Variants in HSP90B1 observed in about 807,000 individuals in gnomAD.
The protein encoded by HSP90B1 is endoplasmin.
Under a neutral mutation model 100.4 loss-of-function variants are expected in HSP90B1, and 27 were observed. The ratio of observed to expected loss-of-function variants is 0.27; its 90% CI spans 0.20 to 0.37. The LOEUF (loss-of-function observed/expected upper bound fraction) is 0.37, where lower values mean the gene tolerates loss of function less well. Among genes scored for constraint, HSP90B1 ranks in the 10% least tolerant of loss-of-function variants. HSP90B1 has a pLI of 1.00. For synonymous variants in HSP90B1, 304 were observed against 330.8 expected (o/e 0.92, Z 0.88); for missense variants, 678 against 960.5 (o/e 0.71, Z 3.89).
intron 5 of HSP90B1, 37 bp downstream of exon 5, chr12:103,934,324 A>G (rs1869845017): frequency 1.3e-6 from 2 of 1,493,368 alleles, no homozygotes; most frequent in Non-Finnish European, 9.3e-7. Context: ...ATTAATAGTC[A>G]TGGTGAGGAT....
chr12:103,946,940 A>G lies in HSP90B1; in HGVS notation c.2261A>G (p.Lys754Arg). 1 of 1,611,304 alleles carries G rather than the reference A, an allele frequency of 6.2e-7. No homozygotes were observed. Among genetic ancestry groups the G allele is most frequent in the Non-Finnish European group, 8.5e-7 (1 of 1,179,194 alleles). Reference sequence around the variant, plus strand: ...AGTTTGAACATTGACCCTGATGCAAAGGTTTGTATCCCCAACCTTCCCGCA... The same window carrying G: ...AGTTTGAACATTGACCCTGATGCAAGGGTTTGTATCCCCAACCTTCCCGCA... ...RLSLNIDPDA[K>R]VEEEPEEEPE... Residue 754 changes from lysine to arginine, a missense_variant and splice_region_variant, in exon 16 of 18, where the codon AAG (lysine) becomes AGG (arginine). Around this residue, in one of 8 missense-constraint regions of HSP90B1, gnomAD observed 65 missense variants for 65.1 expected, o/e 1.00. Transcript: ENST00000299767.
intron 5 of HSP90B1, 46 bp downstream of exon 5, chr12:103,934,333 A>G: frequency 7.0e-7 from 1 of 1,419,722 alleles, no homozygotes; most frequent in Admixed American, 1.8e-5. Context: ...CATGGTGAGG[A>G]TCTTGACTCT....
At chr12:103,939,694 T>C (rs557357447) in intron 8 of HSP90B1, 69 bp downstream of exon 8, 1 of 730,774 alleles carries the variant, frequency 1.4e-6, no homozygotes, top group African/African-American at 1.8e-5. Context: ...CTTAGTTTAA[T>C]TGTATATGGT....
chr12:103,938,440 A>C lies in HSP90B1; in HGVS notation c.956A>C (p.Lys319Thr), dbSNP rs953501914. The C allele has an allele frequency of 6.2e-7, 1 of 1,609,628 alleles. No homozygotes were observed. The highest frequency in any genetic ancestry group is 8.5e-7 in the Non-Finnish European group (1 of 1,177,298). The change falls in exon 7 of 18, where the codon AAG (lysine) becomes ACG (threonine). Residue 319 changes from lysine to threonine, a missense_variant. By Grantham distance (78) the Lys-to-Thr change is moderately conservative. Coordinates refer to ENST00000299767, the MANE Select transcript of HSP90B1 (RefSeq NM_003299.3). Reference sequence around the variant, plus strand: ...GCAGTAGAGGAAGAAGAAGAAGAAAAGAAACCAAAGACTAAAAAAGTAAGT... The same window carrying C: ...GCAGTAGAGGAAGAAGAAGAAGAAACGAAACCAAAGACTAAAAAAGTAAGT... ...EAAVEEEEEE[K>T]KPKTKKVEKT...
Position 103,947,313 on chromosome 12 carries a change from GGAAGAAGAGCCC to G in HSP90B1, c.2274_2285del (p.Glu762_Glu765del). 6.3e-7 allele frequency: 1 copy of G among 1,594,316 alleles called. No individual in the cohort carries two copies. The highest frequency in any genetic ancestry group is 8.5e-7 in the Non-Finnish European group (1 of 1,173,430). ...GGGCCCATAAATGTTGTGTTTAGGT[GGAAGAAGAGCCC>G]GAAGAAGAACCTGAAGAGACAGCAG... On this transcript the variant is annotated inframe_deletion, in exon 17 of 18. Transcript: ENST00000299767.
rs1864489749 is a variant in HSP90B1, at chr12:103,942,898, G to C, written c.1644+102G>C. On this transcript the variant is annotated intron_variant, in intron 12 of 17. Transcript: ENST00000299767. ...AAAGGAAAACTTAATTGTGTAACTG[G>C]AGTAGTTATAAGGCCTGGTCAGTCA... The C allele has an allele frequency of 2.7e-6, 4 of 1,462,342 alleles. No homozygotes were observed. The South Asian group carries it at 3.9e-5, about 14-fold the overall frequency. The allele number at this position is 1,462,342 out of a possible 1,614,324, so 90.6% of individuals were successfully genotyped here.
chr12:103,946,754 A>T, intron 15 of HSP90B1, 32 bp from the exon 16 acceptor site: 1 of 1,613,318 alleles, frequency 6.2e-7, no homozygotes, highest in East Asian at 2.2e-5. Context: ...GTATCTTTTA[A>T]TATTAATCTA....
At position 103,947,336 on chromosome 12, in the gene HSP90B1, C is replaced by T; in HGVS notation, c.2288C>T (p.Pro763Leu). ...GTGGAAGAAGAGCCCGAAGAAGAAC[C>T]TGAAGAGACAGCAGAAGACACAACA... ...AKVEEEPEEEPEETAEDTTED... is the reference protein window; with the variant it reads ...AKVEEEPEEELEETAEDTTED... Residue 763 changes from proline to leucine, a missense_variant, in exon 17 of 18, where the codon CCT (proline) becomes CTT (leucine). By Grantham distance (98) the Pro-to-Leu change is moderately conservative (BLOSUM62 -3). Around this residue, in one of 8 missense-constraint regions of HSP90B1, gnomAD observed 65 missense variants for 65.1 expected, o/e 1.00. Coordinates refer to ENST00000299767, the MANE Select transcript of HSP90B1 (RefSeq NM_003299.3). 6.2e-7 allele frequency: 1 copy of T among 1,603,446 alleles called. No individual in the cohort carries two copies. Among genetic ancestry groups the T allele is most frequent in the Non-Finnish European group, 8.5e-7 (1 of 1,174,094 alleles).
intron 4 of HSP90B1, 61 bp downstream of exon 4, chr12:103,933,003 C>G (rs559525297): frequency 6.8e-6 from 6 of 880,290 alleles, no homozygotes; most frequent in Non-Finnish European, 1.1e-5. Flanking sequence ...GGTAGAGGAT[C>G]CCTATCAGTC....
Position 103,930,459 on chromosome 12 carries a change from G to T in HSP90B1, c.-57G>T, listed in dbSNP as rs927718247. The T allele has an allele frequency of 2.6e-6, 3 of 1,173,974 alleles. No individual in the cohort carries two copies. Among genetic ancestry groups the T allele is most frequent in the Non-Finnish European group, 2.3e-6 (2 of 852,972 alleles). 72.7% of individuals were successfully genotyped at this position (1,173,974 alleles called of 1,614,324 possible). A position where few individuals can be genotyped will look rare whatever the true frequency, so the allele number is the denominator to read the frequency against. On this transcript the variant is annotated 5_prime_UTR_variant, in exon 1 of 18. Transcript: ENST00000299767. This position sits in a 1 kb window ranked among gnomAD's most constrained non-coding sequence, Gnocchi z 4.4. ...GTGTGAGGATCCGAACCCAGGGGTG[G>T]GGGGTGGAGGCGGCTCCTGCGATCG...
chr12:103,947,746 T>A lies in HSP90B1; in HGVS notation c.*84T>A. The A allele has an allele frequency of 8.6e-7, 1 of 1,159,394 alleles. No individual in the cohort carries two copies. The highest frequency in any genetic ancestry group is 1.3e-6 in the Non-Finnish European group (1 of 766,488). The allele number at this position is 1,159,394 out of a possible 1,614,324, so 71.8% of individuals were successfully genotyped here. On this transcript the variant is annotated 3_prime_UTR_variant, in exon 18 of 18. Transcript: ENST00000299767. Reference sequence around the variant, plus strand: ...CTTTTTGGGAGAGACTTGTTTTGGATGCCCCCTAATCCCCTTCTCCCCTGC... The same window carrying A: ...CTTTTTGGGAGAGACTTGTTTTGGAAGCCCCCTAATCCCCTTCTCCCCTGC...
intron 3 of HSP90B1, 93 bp downstream of exon 3, chr12:103,932,511 TC>T (rs1230516947): frequency 5.3e-5 from 58 of 1,102,406 alleles, no homozygotes; most frequent in Non-Finnish European, 7.1e-5. Context: ...TAATGTAGTA[TC>T]CAAGTAAGTA....
chr12:103,941,416 G>C lies in HSP90B1; in HGVS notation c.1099G>C (p.Asp367His), dbSNP rs765175597. 34 of 1,611,786 alleles carry C rather than the reference G, an allele frequency of 2.1e-5. No individual in the cohort carries two copies. The highest frequency in any genetic ancestry group is 2.7e-5 in the Non-Finnish European group (32 of 1,179,802). ...AFYKSFSKES[D>H]DPMAYIHFTA... ...AGATACCAACTTTCCACAGGAAAGT[G>C]ATGACCCCATGGCTTATATTCACTT... Residue 367 changes from aspartate (D) to histidine (H), a missense_variant, in exon 9 of 18, where the codon GAT (aspartate) becomes CAT (histidine). This residue lies in a region of HSP90B1 where 238 missense variants were observed against 346.7 expected (regional missense o/e 0.69). Transcript: ENST00000299767.
intron 5 of HSP90B1, among the ~76,000 whole-genome samples, 161 bp from the exon 6 acceptor site, chr12:103,937,534 A>T (rs1027904674): frequency 1.8e-4 from 28 of 152,252 alleles, no homozygotes; most frequent in Non-Finnish European, 5.9e-5. Flanking sequence ...CATGTGTTAC[A>T]TTTTAGCTCA....
chr12:103,938,255 G>T, intron 6 of HSP90B1, 85 bp from the exon 7 acceptor site: 3 of 1,209,946 alleles, frequency 2.5e-6, no homozygotes, highest in South Asian at 1.6e-5. Context: ...CCTATTTTTT[G>T]ACCTGTAATG....
At chr12:103,941,753 G>C (rs370610040) in intron 10 of HSP90B1, 47 bp downstream of exon 10, 3 of 1,600,866 alleles carry the variant, frequency 1.9e-6, no homozygotes, top group Non-Finnish European at 2.6e-6. Flanking sequence ...GTGGGGGTCT[G>C]GCAGTGTAGA....
Sources: gnomAD v4.1 joint callset for allele counts (sites outside exome capture counted in the v4.1 genomes callset) on GRCh38, gnomAD v4.1.1 for gene constraint, gnomAD v4.1.1 regional missense constraint, Gnocchi (gnomAD v3.1) non-coding constraint, MANE v1.5 for transcripts, NCBI Gene and HGNC (gene_info 2026-07-23, HGNC 2026-07-21) for gene names.